CCDC180: variants seen among roughly 807,000 people sequenced by gnomAD.
The protein encoded by CCDC180 is coiled-coil domain containing 180.
A neutral mutation model predicts 209.2 loss-of-function variants in CCDC180; 154 were observed. The ratio of observed to expected loss-of-function variants is 0.74; its 90% confidence interval spans 0.65 to 0.84. The LOEUF (loss-of-function observed/expected upper bound fraction) is 0.84, where lower values mean the gene tolerates loss of function less well. Ranked by LOEUF, CCDC180 falls within the 40% of genes least tolerant of loss-of-function variation. The pLI is 0.00. For synonymous variants in CCDC180, 778 were observed against 749.1 expected (o/e 1.04, Z -0.63); for missense variants, 1,874 against 1,997.3 (o/e 0.94, Z 1.18).
chr9:97,342,416 C>T (rs764304364), intron 18 of CCDC180, among the ~76,000 whole-genome samples: 2 of 151,986 alleles, frequency 1.3e-5, no homozygotes, highest in African/African-American at 2.4e-5. Context: ...GCCTCCCAAT[C>T]CTATTCAACC....
At chr9:97,357,766 T>A in intron 25 of CCDC180, 41 bp downstream of exon 25, 6 of 1,418,780 alleles carry the variant, frequency 4.2e-6, no homozygotes, top group Non-Finnish European at 4.9e-6. Context: ...AATAAAGATA[T>A]ATCATGCTAA....
chr9:97,363,542 TAA>T, intron 28 of CCDC180: 1 of 520,620 alleles, frequency 1.9e-6, no homozygotes, highest in Non-Finnish European at 4.0e-6. Context: ...GGCTGCCAGA[TAA>T]AAGAGAGGGT....
At chr9:97,349,484 A>G (rs1375896684) in intron 21 of CCDC180, among the ~76,000 whole-genome samples, 193 bp downstream of exon 21, 1 of 152,222 alleles carries the variant, frequency 6.6e-6, no homozygotes, top group Non-Finnish European at 1.5e-5. Flanking sequence ...GCAGGGAGTG[A>G]GCAGCCAGAG....
In CCDC180 at chr9:97,313,170, C is replaced by T. The variant is rs1833046803; in HGVS notation, c.350-66C>T. On this transcript the variant is annotated intron_variant, in intron 4 of 36. Coordinates refer to ENST00000529487, the MANE Select transcript of CCDC180 (RefSeq NM_020893.6). ...CCAGGCCTCAGTGTGCAGGGGCTGT[C>T]TGCCTGTGCTGCCTTTTCCTGAGAG... The T allele has an allele frequency of 2.9e-6, 3 of 1,027,638 alleles. No individual in the cohort carries two copies. The African/African-American group carries it at 4.7e-5, about 16-fold the overall frequency. The allele number at this position is 1,027,638 out of a possible 1,614,324, so 63.7% of individuals were successfully genotyped here.
intron 14 of CCDC180, 132 bp from the exon 15 acceptor site, chr9:97,326,422 G>T: frequency 1.5e-6 from 1 of 667,136 alleles, no homozygotes; most frequent in East Asian, 2.5e-5. Context: ...TACCCCATTT[G>T]TAGAAAGGAA....
At chr9:97,346,900 A>G (rs1204830084) in intron 19 of CCDC180, among the ~76,000 whole-genome samples, 1 of 152,232 alleles carries the variant, frequency 6.6e-6, no homozygotes, top group Non-Finnish European at 1.5e-5. Flanking sequence ...GCACATGAAA[A>G]TATGCTCAGT....
upstream of CCDC180, chr9:97,307,396 G>A: frequency 1.9e-6 from 1 of 539,606 alleles, no homozygotes; most frequent in Non-Finnish European, 3.6e-6. Context: ...CGGGGACGCG[G>A]CCAGGCCGGA....
At chr9:97,341,745 A>G (rs2118765021) in intron 18 of CCDC180, among the ~76,000 whole-genome samples, 1 of 152,302 alleles carries the variant, frequency 6.6e-6, no homozygotes, top group South Asian at 2.1e-4. Flanking sequence ...AGTCTGCAGA[A>G]GTTTCTGCTG....
At chr9:97,339,951 G>T (rs184141007) in intron 18 of CCDC180, among the ~76,000 whole-genome samples, 17 of 152,046 alleles carry the variant, frequency 1.1e-4, no homozygotes, top group African/African-American at 3.9e-4. Flanking sequence ...TGATTGAATT[G>T]GCTACTGAAA....
chr9:97,348,259 G>A (rs1174417768), intron 20 of CCDC180, among the ~76,000 whole-genome samples: 1 of 152,192 alleles, frequency 6.6e-6, no homozygotes, highest in Non-Finnish European at 1.5e-5. Context: ...TATTCCTGGA[G>A]CAGGGAAAGA....
Position 97,350,403 on chromosome 9 carries a change from C to T in CCDC180, c.2856-6C>T. 1 of 1,535,152 alleles carries T rather than the reference C, an allele frequency of 6.5e-7. No homozygotes were observed. The highest frequency in any genetic ancestry group is 8.7e-7 in the Non-Finnish European group (1 of 1,146,896). Reference sequence around the variant, plus strand: ...CACTGTCCTGTTCCTCCTCTGTCTCCCACAGGCTGGTCACTCTCAGCAACA... The same window carrying T: ...CACTGTCCTGTTCCTCCTCTGTCTCTCACAGGCTGGTCACTCTCAGCAACA... On this transcript the variant is annotated splice_polypyrimidine_tract_variant and splice_region_variant and intron_variant, in intron 21 of 36. Transcript: ENST00000529487.
chr9:97,330,451 T>C lies in CCDC180; in HGVS notation c.1958T>C (p.Val653Ala). The C allele has an allele frequency of 1.2e-6, 2 of 1,613,822 alleles. No individual in the cohort carries two copies. The highest frequency in any genetic ancestry group is 1.7e-6 in the Non-Finnish European group (2 of 1,179,962). The stretch of plus-strand genomic sequence containing the variant: ...AGTACTGCCAGGTCAGTAGAAGAGG[T>C]GGAAGAAGAAAACGATCAAGAAATG... ...GTSTARSVEE[V>A]EEENDQEMES... Residue 653 changes from valine to alanine, a missense_variant, in exon 18 of 37, where the codon GTG becomes GCG. Val to Ala is a moderately conservative substitution (Grantham distance 64, BLOSUM62 0). Coordinates refer to ENST00000529487, the MANE Select transcript of CCDC180 (RefSeq NM_020893.6).
intron 31 of CCDC180, among the ~76,000 whole-genome samples, chr9:97,368,674 C>T (rs1316089017): frequency 6.6e-6 from 1 of 152,168 alleles, no homozygotes; most frequent in African/African-American, 2.4e-5. Flanking sequence ...TCCAAAACAC[C>T]TCCAGCTAAT....
intron 19 of CCDC180, among the ~76,000 whole-genome samples, chr9:97,345,364 G>A (rs540788818): frequency 1.2e-4 from 18 of 152,268 alleles, no homozygotes; most frequent in South Asian, 2.1e-4. Context: ...GCTCCACAAC[G>A]TCAGTGGTAT....
In CCDC180 at chr9:97,314,458, A is replaced by G. The variant is rs142807866; in HGVS notation, c.525A>G (p.Glu175=). 41 of 1,614,064 alleles carry G rather than the reference A, an allele frequency of 2.5e-5. No individual in the cohort carries two copies. In the African/African-American group the frequency reaches 3.5e-4, roughly 14 times the overall value. The stretch of plus-strand genomic sequence containing the variant: ...TGAAGAAGCTGACTGAGTCTGATGA[A>G]GAAATGAACCGTCTCTTCCTAAAGG... ...LFLKKLTESD[E]EMNRLFLKVE... The change falls in exon 6 of 37, where the codon GAA becomes GAG. Residue 175 remains glutamate, a synonymous_variant. Coordinates refer to ENST00000529487, the MANE Select transcript of CCDC180 (RefSeq NM_020893.6).
At position 97,350,442 on chromosome 9, in the gene CCDC180, G is replaced by A; in HGVS notation, c.2889G>A (p.Glu963=). ...LVTLSNTLHQ[E]LLSYVDVTQV... is the part of the protein sequence containing the mutation. ...CTCTCAGCAACACACTGCACCAGGA[G>A]TTGCTTAGCTATGTTGATGTCACCC... The change falls in exon 22 of 37, where the codon GAG becomes GAA. Residue 963 remains glutamate (E), a synonymous_variant. Coordinates refer to ENST00000529487, the MANE Select transcript of CCDC180 (RefSeq NM_020893.6). The A allele has an allele frequency of 6.5e-7, 1 of 1,535,958 alleles. No individual in the cohort carries two copies. The highest frequency in any genetic ancestry group is 2.0e-5 in the Admixed American group (1 of 50,998).
chr9:97,364,433 T>C, intron 29 of CCDC180: 1 of 332,452 alleles, frequency 3.0e-6, no homozygotes, highest in South Asian at 3.2e-5. Flanking sequence ...CTTTCCCCCA[T>C]TTCTCTTTTC....
intron 13 of CCDC180, among the ~76,000 whole-genome samples, chr9:97,324,748 T>A (rs1833473059): frequency 6.6e-6 from 1 of 152,174 alleles, no homozygotes; most frequent in African/African-American, 2.4e-5. Context: ...TCCATCTTCT[T>A]CCTGTCAGAG....
At position 97,374,544 on chromosome 9, in the gene CCDC180, G is replaced by T; in HGVS notation, c.4602G>T (p.Arg1534Ser). Residue 1534 changes from arginine (R) to serine (S), a missense_variant and splice_region_variant, in exon 35 of 37, where the codon AGG becomes AGT. Physicochemically the swap from Arg to Ser is moderately radical, Grantham distance 110. Coordinates refer to ENST00000529487, the MANE Select transcript of CCDC180 (RefSeq NM_020893.6). Reference protein sequence around the residue: ...VVTIDDVQVARMEPPKQKLSM... With the variant: ...VVTIDDVQVASMEPPKQKLSM... Reference sequence around the variant, plus strand: ...CACTAGCCTGTCTTTTGCCTCTAGGGATGGAGCCCCCCAAACAGAAATTAT... The same window carrying T: ...CACTAGCCTGTCTTTTGCCTCTAGGTATGGAGCCCCCCAAACAGAAATTAT... 5 of 1,613,320 alleles carry T rather than the reference G, an allele frequency of 3.1e-6. No homozygotes were observed. Among genetic ancestry groups the T allele is most frequent in the Non-Finnish European group, 4.2e-6 (5 of 1,179,612 alleles).
Sources: allele counts gnomAD v4.1 joint callset (sites outside exome capture counted in the v4.1 genomes callset), GRCh38; gene constraint gnomAD v4.1.1; transcripts MANE v1.5; gene names NCBI Gene and HGNC (gene_info 2026-07-23, HGNC 2026-07-21).